Variants in CADPS2 observed in about 807,000 individuals in gnomAD.
The protein encoded by CADPS2 is calcium-dependent secretion activator 2.
CADPS2 carries 93 observed loss-of-function variants against 172.5 expected under a neutral mutation model. That is an observed-to-expected ratio of 0.54 (90% confidence interval 0.46 to 0.64). The LOEUF (loss-of-function observed/expected upper bound fraction) is 0.64. Ranked by LOEUF, CADPS2 falls within the 30% of genes least tolerant of loss-of-function variation. CADPS2 has a pLI of 0.00. For missense variants in CADPS2, 1,420 were observed against 1,565.9 expected (o/e 0.91, Z 1.57); for synonymous variants, 546 against 555.2 (o/e 0.98, Z 0.23).
intron 5 of CADPS2, among the ~76,000 whole-genome samples, chr7:122,616,281 C>T (rs1407889265): frequency 6.6e-6 from 1 of 151,904 alleles, no homozygotes; most frequent in Non-Finnish European, 1.5e-5. Context: ...TGTTATGCAG[C>T]GACCAAAACA....
intron 2 of CADPS2, among the ~76,000 whole-genome samples, chr7:122,694,783 C>CA (rs2136118250): frequency 6.6e-6 from 1 of 152,042 alleles, no homozygotes; most frequent in East Asian, 1.9e-4. Flanking sequence ...AGTACAAAGC[C>CA]AAAAAACCAA....
intron 2 of CADPS2, chr7:122,698,405 G>A: frequency 1.9e-6 from 3 of 1,613,950 alleles, no homozygotes; most frequent in Non-Finnish European, 2.5e-6. Flanking sequence ...GCTGTAATGA[G>A]AACTCCCTTC....
intron 2 of CADPS2, among the ~76,000 whole-genome samples, chr7:122,718,577 T>C (rs1019117786): frequency 5.3e-5 from 8 of 152,044 alleles, no homozygotes; most frequent in African/African-American, 1.7e-4. Flanking sequence ...TACCCACAGG[T>C]TTTTCTCCGT....
chr7:122,520,954 T>C (rs960125022), intron 8 of CADPS2, among the ~76,000 whole-genome samples: 1 of 152,132 alleles, frequency 6.6e-6, no homozygotes, highest in African/African-American at 2.4e-5. Flanking sequence ...AAAAGAACTA[T>C]TAATTTTGGT....
rs1304121786 is a variant in CADPS2, at chr7:122,645,344, CATGT to C, written c.787-16020_787-16017del. Among the ~76,000 whole-genome samples, 94 of 98,574 alleles carry C rather than the reference CATGT, an allele frequency of 9.5e-4. 3 individuals are homozygous for C. Among genetic ancestry groups the C allele is most frequent in the Admixed American group, 3.1e-3 (31 of 10,012 alleles). The allele number at this position is 98,574 out of a possible 152,430, so 64.7% of individuals were successfully genotyped here. A position where few individuals can be genotyped will look rare whatever the true frequency, so the allele number is the denominator to read the frequency against. The stretch of plus-strand genomic sequence containing the variant: ...ACATGTACATATATACACACATGTA[CATGT>C]GTGTGTATACATGTACATGTATACA... On this transcript the variant is annotated intron_variant, in intron 3 of 29. Coordinates refer to ENST00000449022, the MANE Select transcript of CADPS2 (RefSeq NM_017954.11).
chr7:122,832,181 C>G (rs1049591601), intron 1 of CADPS2, among the ~76,000 whole-genome samples: 2 of 151,572 alleles, frequency 1.3e-5, no homozygotes, highest in African/African-American at 4.8e-5. Flanking sequence ...TACTGTAATC[C>G]CCTCAAAACC....
At chr7:122,646,386 G>A (rs1175909604) in intron 3 of CADPS2, among the ~76,000 whole-genome samples, 2 of 152,020 alleles carry the variant, frequency 1.3e-5, no homozygotes, top group Non-Finnish European at 2.9e-5. Context: ...AGGCTTTTGG[G>A]TTATAATGGG....
At chr7:122,720,859 G>A (rs1021949902) in intron 2 of CADPS2, among the ~76,000 whole-genome samples, 1 of 151,954 alleles carries the variant, frequency 6.6e-6, no homozygotes, top group Admixed American at 6.6e-5. Flanking sequence ...CCGACATAAA[G>A]CTGGGGTGTA....
At chr7:122,870,024 A>G (rs909810734) in intron 1 of CADPS2, among the ~76,000 whole-genome samples, 2 of 152,040 alleles carry the variant, frequency 1.3e-5, no homozygotes, top group African/African-American at 4.8e-5. Flanking sequence ...GAACACAGCA[A>G]AAGAAGAGAG....
At chr7:122,853,278 G>C (rs190473204) in intron 1 of CADPS2, among the ~76,000 whole-genome samples, 1 of 152,308 alleles carries the variant, frequency 6.6e-6, no homozygotes, top group African/African-American at 2.4e-5. Flanking sequence ...ACTCCATGTG[G>C]CATTTGCAGA....
Position 122,393,442 on chromosome 7 carries a change from T to C in CADPS2, c.2887A>G (p.Lys963Glu), listed in dbSNP as rs2044656788. Reference sequence around the variant, plus strand: ...ACGGACACTAGGTAAGATACCTACTTGACAGGCTGCCATGTCTCCTGCTCA... The same window carrying C: ...ACGGACACTAGGTAAGATACCTACTCGACAGGCTGCCATGTCTCCTGCTCA... ...GFEQETWQPV[K>E]NIANSLPNVA... Residue 963 changes from lysine to glutamate, a missense_variant and splice_region_variant, in exon 21 of 30, where the codon AAG becomes GAG. By Grantham distance (56) the Lys-to-Glu change is moderately conservative. Transcript: ENST00000449022. 1.2e-6 allele frequency: 2 copies of C among 1,613,850 alleles called. No individual in the cohort carries two copies. The highest frequency in any genetic ancestry group is 1.7e-6 in the Non-Finnish European group (2 of 1,179,818).
chr7:122,835,067 G>A (rs954464221), intron 1 of CADPS2, among the ~76,000 whole-genome samples: 2 of 152,154 alleles, frequency 1.3e-5, no homozygotes, highest in Admixed American at 6.5e-5. Context: ...ACATGTTTGG[G>A]TACCCCTCTG....
chr7:122,726,836 A>C (rs923971095), intron 2 of CADPS2, among the ~76,000 whole-genome samples: 1 of 151,794 alleles, frequency 6.6e-6, no homozygotes, highest in Admixed American at 6.6e-5. Context: ...TGGATAACTA[A>C]CTATAGGTGT....
At chr7:122,639,519 T>G (rs1186859097) in intron 3 of CADPS2, among the ~76,000 whole-genome samples, 1 of 152,186 alleles carries the variant, frequency 6.6e-6, no homozygotes, top group Admixed American at 6.5e-5. Flanking sequence ...CAGTTTTATG[T>G]GTGCTCCTTT....
intron 1 of CADPS2, among the ~76,000 whole-genome samples, chr7:122,763,672 C>T (rs1440426477): frequency 1.3e-5 from 2 of 152,008 alleles, no homozygotes; most frequent in South Asian, 2.1e-4. Context: ...AATTAATAAG[C>T]GAATAAACCC....
At chr7:122,424,785 C>CTAAGA (rs3840626) in intron 17 of CADPS2, among the ~76,000 whole-genome samples, 60,025 of 151,616 alleles carry the variant, frequency 0.4, 11,988 homozygotes, top group African/African-American at 0.45. Flanking sequence ...GTAAGAAAAG[C>CTAAGA]TCTCACAGGG....
At chr7:122,761,232 G>C (rs1433767491) in intron 1 of CADPS2, among the ~76,000 whole-genome samples, 1 of 152,076 alleles carries the variant, frequency 6.6e-6, no homozygotes, top group African/African-American at 2.4e-5. Context: ...TACTGAAAAG[G>C]AAAGAATTAA....
Position 122,636,437 on chromosome 7 carries a change from G to A in CADPS2, c.787-7109C>T, listed in dbSNP as rs1272154869. 3.3e-5 allele frequency among the ~76,000 whole-genome samples: 5 copies of A among 150,108 alleles called. No homozygotes were observed. The East Asian group carries it at 5.9e-4, about 18-fold the overall frequency. ...TGAAAACAGGCCCCCATCCTCTTCC[G>A]GCTCGTAAGGTTTCCACAAGAGATG... On this transcript the variant is annotated intron_variant, in intron 3 of 29. Transcript: ENST00000449022.
intron 12 of CADPS2, 90 bp from the exon 13 acceptor site, chr7:122,474,607 C>T (rs2056411553): frequency 3.4e-6 from 4 of 1,188,200 alleles, no homozygotes; most frequent in Non-Finnish European, 4.7e-6. Flanking sequence ...ATGCGTGACT[C>T]AAGCAGAAGA....
Sources: allele counts gnomAD v4.1 joint callset (sites outside exome capture counted in the v4.1 genomes callset), GRCh38; gene constraint gnomAD v4.1.1; transcripts MANE v1.5; gene names NCBI Gene and HGNC (gene_info 2026-07-23, HGNC 2026-07-21).